RABGAP1L: variants seen among roughly 807,000 people sequenced by gnomAD.
RABGAP1L encodes the protein rab GTPase-activating protein 1-like.
RABGAP1L carries 63 observed loss-of-function variants against 137.7 expected under a neutral mutation model. The ratio of observed to expected loss-of-function variants is 0.46; its 90% CI spans 0.37 to 0.56. RABGAP1L has a LOEUF of 0.56. RABGAP1L is among the 20% of genes least tolerant of loss of function. RABGAP1L has a pLI of 0.00. For synonymous variants in RABGAP1L, 431 were observed against 433.7 expected, an observed-to-expected ratio of 0.99 and a Z score of 0.08; for missense variants, 1,095 against 1,244.0, an observed-to-expected ratio of 0.88 and a Z score of 1.80.
chr1:174,396,893 G>A (rs1003060519), intron 13 of RABGAP1L, among the ~76,000 whole-genome samples: 2 of 151,106 alleles, frequency 1.3e-5, no homozygotes, highest in African/African-American at 4.9e-5. Context: ...AATTCCAACA[G>A]TTTGGAAGGT....
intron 11 of RABGAP1L, among the ~76,000 whole-genome samples, chr1:174,362,623 G>A (rs1379635552): frequency 6.6e-6 from 1 of 151,960 alleles, no homozygotes; most frequent in Non-Finnish European, 1.5e-5. Flanking sequence ...TTTTTAATGG[G>A]GTTGTTTTTC....
chr1:174,499,871 C>G lies in RABGAP1L; in HGVS notation c.1710+105726C>G, dbSNP rs1270315747. ...TTTCAATTTCTGTTCCTGGGACTCTCTTTTAAGTTCATATATTATAATGTT... is the reference window on the plus strand; with the variant it reads ...TTTCAATTTCTGTTCCTGGGACTCTGTTTTAAGTTCATATATTATAATGTT... On this transcript the variant is annotated intron_variant, in intron 13 of 25. Coordinates refer to ENST00000681986, the MANE Select transcript of RABGAP1L (RefSeq NM_001366446.1). Among the ~76,000 whole-genome samples the G allele has an allele frequency of 2.6e-5, 4 of 152,122 alleles. No homozygotes were observed. The East Asian group carries it at 5.8e-4, about 22-fold the overall frequency.
intron 13 of RABGAP1L, chr1:174,548,076 G>A (rs1666167967): frequency 6.5e-7 from 1 of 1,548,448 alleles, no homozygotes; most frequent in East Asian, 2.4e-5. Flanking sequence ...GCTCTTGGCA[G>A]CTTAGCATGA....
At chr1:174,613,409 G>A (rs560692591) in intron 13 of RABGAP1L, among the ~76,000 whole-genome samples, 1 of 152,224 alleles carries the variant, frequency 6.6e-6, no homozygotes, top group Non-Finnish European at 1.5e-5. Context: ...TGATTGCACT[G>A]TGGTCTGAGA....
intron 13 of RABGAP1L, among the ~76,000 whole-genome samples, chr1:174,598,485 C>G (rs993949326): frequency 2.0e-5 from 3 of 152,056 alleles, no homozygotes; most frequent in Non-Finnish European, 4.4e-5. Flanking sequence ...GATGATCTGT[C>G]CAGTGCTGAA....
At chr1:174,987,225 G>A (rs1009214264) in intron 24 of RABGAP1L, among the ~76,000 whole-genome samples, 2 of 151,962 alleles carry the variant, frequency 1.3e-5, no homozygotes. Flanking sequence ...GGAGTGCAGT[G>A]GCGCGATCTC....
At chr1:174,621,150 C>T (rs572532527) in intron 13 of RABGAP1L, among the ~76,000 whole-genome samples, 96 of 152,102 alleles carry the variant, frequency 6.3e-4, no homozygotes, top group South Asian at 5.0e-3. Context: ...TTACAAGGGA[C>T]ATGAAGGACC....
chr1:174,903,224 T>G (rs1213883547), intron 19 of RABGAP1L, among the ~76,000 whole-genome samples: 1 of 152,204 alleles, frequency 6.6e-6, no homozygotes, highest in African/African-American at 2.4e-5. Context: ...CCAAAGCCAT[T>G]TGCCTTCACC....
At position 174,783,568 on chromosome 1, in the gene RABGAP1L, G is replaced by C. The variant is rs1687194153; in HGVS notation, c.2212-28264G>C. On this transcript the variant is annotated intron_variant, in intron 18 of 25. Coordinates refer to ENST00000681986, the MANE Select transcript of RABGAP1L (RefSeq NM_001366446.1). ...ATTCAAGTTAATGCCTAATACCTAA[G>C]AGATATTCAAATAGAATTGCGACAA... 1.3e-5 allele frequency among the ~76,000 whole-genome samples: 2 copies of C among 152,120 alleles called. 1 individual carries two copies. The highest frequency in any genetic ancestry group is 4.2e-4 in the South Asian group (2 of 4,818).
At chr1:174,735,313 A>G (rs1286995421) in intron 17 of RABGAP1L, among the ~76,000 whole-genome samples, 1 of 151,946 alleles carries the variant, frequency 6.6e-6, no homozygotes, top group Non-Finnish European at 1.5e-5. Flanking sequence ...TCCTTAAGAA[A>G]CTGAAAGGCT....
At chr1:174,454,283 G>A (rs957617657) in intron 13 of RABGAP1L, among the ~76,000 whole-genome samples, 10 of 151,608 alleles carry the variant, frequency 6.6e-5, no homozygotes, top group South Asian at 2.1e-4. Context: ...AGAAGAATGC[G>A]GAATATTTAA....
At chr1:174,865,647 G>A (rs1208087214) in intron 19 of RABGAP1L, among the ~76,000 whole-genome samples, 4 of 151,946 alleles carry the variant, frequency 2.6e-5, no homozygotes, top group African/African-American at 9.7e-5. Context: ...TGTATTTAAA[G>A]CAATATTGCC....
chr1:174,403,339 CT>C (rs1311847045), intron 13 of RABGAP1L, among the ~76,000 whole-genome samples: 1 of 150,068 alleles, frequency 6.7e-6, no homozygotes, highest in African/African-American at 2.5e-5. Context: ...AGTGGTGGCT[CT>C]TCACAGGTGT....
At chr1:174,821,419 C>T (rs983061541) in intron 19 of RABGAP1L, among the ~76,000 whole-genome samples, 2 of 152,178 alleles carry the variant, frequency 1.3e-5, no homozygotes, top group Non-Finnish European at 2.9e-5. Flanking sequence ...AGCTCAATTA[C>T]CTATATATTG....
At chr1:174,383,564 C>G (rs930038877) in intron 12 of RABGAP1L, among the ~76,000 whole-genome samples, 3 of 152,178 alleles carry the variant, frequency 2.0e-5, no homozygotes, top group Non-Finnish European at 4.4e-5. Context: ...CAGGTGCGTC[C>G]GTCACCGCTT....
At chr1:174,623,147 T>G (rs1282114416) in intron 13 of RABGAP1L, among the ~76,000 whole-genome samples, 3 of 152,212 alleles carry the variant, frequency 2.0e-5, no homozygotes, top group Admixed American at 6.5e-5. Context: ...TTTAGAAAGT[T>G]TTCATAATTA....
chr1:174,650,112 T>C (rs1472994702), intron 14 of RABGAP1L, among the ~76,000 whole-genome samples: 5 of 152,146 alleles, frequency 3.3e-5, no homozygotes, highest in African/African-American at 1.2e-4. Flanking sequence ...TTATCTTTGG[T>C]TCTGTTTATA....
chr1:174,942,262 G>A (rs1402588702), intron 19 of RABGAP1L, among the ~76,000 whole-genome samples: 1 of 152,138 alleles, frequency 6.6e-6, no homozygotes, highest in Non-Finnish European at 1.5e-5. Context: ...ATTTCATACT[G>A]CTGTTCGGCC....
chr1:174,343,566 G>C (rs1377127874), intron 11 of RABGAP1L, among the ~76,000 whole-genome samples: 1 of 152,100 alleles, frequency 6.6e-6, no homozygotes, highest in Non-Finnish European at 1.5e-5. Flanking sequence ...TAATACATTT[G>C]ATTTTTTAGG....
Sources: gnomAD v4.1 joint callset for allele counts (sites outside exome capture counted in the v4.1 genomes callset) on GRCh38, gnomAD v4.1.1 for gene constraint, MANE v1.5 for transcripts, NCBI Gene and HGNC (gene_info 2026-07-23, HGNC 2026-07-21) for gene names.